TJP1: variants seen among roughly 807,000 people sequenced by gnomAD.
TJP1 encodes tight junction protein 1.
Under a neutral mutation model 194.2 loss-of-function variants are expected in TJP1, and 43 were observed. The observed-to-expected ratio is 0.22, with a 90% CI of 0.17 to 0.29. The LOEUF (loss-of-function observed/expected upper bound fraction) is 0.29, where lower values mean the gene tolerates loss of function less well. Ranked by LOEUF, TJP1 falls within the 10% of genes least tolerant of loss-of-function variation. The pLI, the probability that TJP1 is intolerant of heterozygous loss-of-function variation, is 1.00. For missense variants in TJP1, 1,971 were observed against 2,185.7 expected, an observed-to-expected ratio of 0.90 and a Z score of 1.96; for synonymous variants, 801 against 779.0, an observed-to-expected ratio of 1.03 and a Z score of -0.47.
At chr15:29,781,317 G>GA (rs757667950) in intron 2 of TJP1, among the ~76,000 whole-genome samples, 9 of 152,092 alleles carry the variant, frequency 5.9e-5, no homozygotes, top group Non-Finnish European at 1.2e-4. Context: ...CGCCGAAAGT[G>GA]AATCAGTAGT....
intron 2 of TJP1, among the ~76,000 whole-genome samples, chr15:29,899,334 TTC>T (rs1367595505): frequency 1.7e-4 from 26 of 152,354 alleles, no homozygotes; most frequent in Non-Finnish European, 2.9e-4. Context: ...AATTATTCCT[TTC>T]CTATTGCAAT....
Position 29,742,779 on chromosome 15 carries a change from A to G in TJP1, c.1013T>C (p.Leu338Pro). The G allele has an allele frequency of 5.1e-6, 8 of 1,579,534 alleles. No homozygotes were observed. The highest frequency in any genetic ancestry group is 6.8e-6 in the Non-Finnish European group (8 of 1,168,004). Residue 338 changes from leucine (L) to proline (P), a missense_variant and splice_region_variant, in exon 9 of 28, where the codon CTC becomes CCC. Physicochemically the swap from Leu to Pro is moderately conservative, Grantham distance 98. Coordinates refer to ENST00000614355, the MANE Select transcript of TJP1 (RefSeq NM_001330239.4). ...HSPQQPSNGS[L>P]RSRDEERISK... is the part of the protein sequence containing the mutation. ...AATTCTCTCTTCATCTCTACTCCGG[A>G]GACTGTGTGTCATTAAAATAAAAAA... is the stretch of plus-strand genomic sequence containing the variant.
chr15:29,949,342 C>T, intron 2 of TJP1, among the ~76,000 whole-genome samples: 1 of 136,982 alleles, frequency 7.3e-6, no homozygotes, highest in African/African-American at 2.6e-5. Context: ...CCACCACCTC[C>T]ACCACCACCA....
chr15:29,869,090 T>A (rs1025618875), intron 2 of TJP1, among the ~76,000 whole-genome samples: 2 of 152,192 alleles, frequency 1.3e-5, no homozygotes, highest in African/African-American at 2.4e-5. Flanking sequence ...TAGGTAACCA[T>A]CTGAGAAAAA....
chr15:29,732,235 G>A (rs560766467), intron 15 of TJP1, 198 bp downstream of exon 15: 3 of 576,032 alleles, frequency 5.2e-6, no homozygotes, highest in East Asian at 2.9e-5. Flanking sequence ...TTTCCTAAAC[G>A]GTGACTTTTC....
rs530303995 is a variant in TJP1 at position 29,749,297 on chromosome 15, A to G, written c.1011-6516T>C. On this transcript the variant is annotated intron_variant, in intron 8 of 27. Transcript: ENST00000614355. ...CTCTGAGAGAGATTTTATAGGTCAC[A>G]TGAACGGACTCACTGTTAAGCAGAG... 1.2e-4 allele frequency among the ~76,000 whole-genome samples: 18 copies of G among 152,344 alleles called. No individual in the cohort carries two copies. The South Asian group carries it at 3.3e-3, about 28-fold the overall frequency.
chr15:29,835,151 T>C (rs889469146), intron 2 of TJP1, among the ~76,000 whole-genome samples: 40 of 152,156 alleles, frequency 2.6e-4, no homozygotes, highest in African/African-American at 9.4e-4. Context: ...GAAGATCTTT[T>C]TCATCCCTGA....
chr15:29,816,217 G>A (rs78923945), intron 1 of TJP1, among the ~76,000 whole-genome samples: 4 of 151,944 alleles, frequency 2.6e-5, no homozygotes, highest in Non-Finnish European at 5.9e-5. Context: ...TAGTAGAGAC[G>A]GGGTTTCGGC....
intron 2 of TJP1, among the ~76,000 whole-genome samples, chr15:29,952,258 G>A (rs2055776732): frequency 6.6e-6 from 1 of 152,224 alleles, no homozygotes; most frequent in African/African-American, 2.4e-5. Flanking sequence ...GAATTGTTGA[G>A]TCCAGGCTAT....
At chr15:29,862,939 T>C (rs1042410572) in intron 2 of TJP1, among the ~76,000 whole-genome samples, 6 of 148,214 alleles carry the variant, frequency 4.0e-5, no homozygotes, top group Admixed American at 1.3e-4. Flanking sequence ...TGAGCCACCG[T>C]GCCCAGCTGG....
chr15:29,888,248 C>A (rs933235834), intron 2 of TJP1, among the ~76,000 whole-genome samples: 2 of 151,664 alleles, frequency 1.3e-5, no homozygotes, highest in Non-Finnish European at 2.9e-5. Flanking sequence ...ACTATTATAT[C>A]CATTTTATAT....
Position 29,950,253 on chromosome 15 carries a change from C to T in TJP1, c.306+5979G>A, listed in dbSNP as rs115529224. ...TCCACCACCACCACCTCCTTCACTA[C>T]CACCTCTATGACCACCACCTCCACT... On this transcript the variant is annotated intron_variant, in intron 2 of 28. Coordinates refer to the TJP1 transcript ENST00000356107. Among the ~76,000 whole-genome samples the T allele has an allele frequency of 6.9e-3, 1,022 of 147,358 alleles. 10 individuals carry two copies. The highest frequency in any genetic ancestry group is 0.026 in the African/African-American group (969 of 37,996).
intron 2 of TJP1, among the ~76,000 whole-genome samples, chr15:29,853,601 G>A (rs921356327): frequency 1.3e-5 from 2 of 152,086 alleles, no homozygotes; most frequent in Non-Finnish European, 2.9e-5. Flanking sequence ...ACACTTTTAG[G>A]TGGCTGTATT....
intron 1 of TJP1, among the ~76,000 whole-genome samples, chr15:29,965,499 A>C (rs2056303223): frequency 6.6e-6 from 1 of 152,152 alleles, no homozygotes; most frequent in South Asian, 2.1e-4. Flanking sequence ...GGTATGAGCC[A>C]CCACGTCAGG....
intron 1 of TJP1, among the ~76,000 whole-genome samples, chr15:29,818,205 G>C (rs1289454145): frequency 6.6e-6 from 1 of 152,068 alleles, no homozygotes; most frequent in Non-Finnish European, 1.5e-5. Flanking sequence ...AATCTAATAA[G>C]CATATACAAT....
At chr15:29,818,903 C>T (rs772986988) in intron 1 of TJP1, among the ~76,000 whole-genome samples, 4 of 151,842 alleles carry the variant, frequency 2.6e-5, no homozygotes, top group Admixed American at 6.6e-5. Context: ...ATGCAACCTC[C>T]GCCTTCCAGG....
At chr15:29,762,461 T>A in intron 5 of TJP1, 23 bp from the exon 6 acceptor site, 1 of 1,583,420 alleles carries the variant, frequency 6.3e-7, no homozygotes, top group Non-Finnish European at 8.7e-7. Context: ...AAGTAAGTGT[T>A]TTTAGTATAA....
Position 29,733,079 on chromosome 15 carries a change from T to A in TJP1, c.1736+15A>T, listed in dbSNP as rs2043776519. ...TACTTGATTCACTCTATGAGAAGTA[T>A]CCAAGCATTCATACCTGTTCTTATT... On this transcript the variant is annotated intron_variant, in intron 13 of 27. Coordinates refer to ENST00000614355, the MANE Select transcript of TJP1 (RefSeq NM_001330239.4). The A allele has an allele frequency of 3.1e-6, 5 of 1,608,690 alleles. No individual in the cohort carries two copies. Among genetic ancestry groups the A allele is most frequent in the Non-Finnish European group, 4.3e-6 (5 of 1,175,328 alleles).
At chr15:29,865,129 C>G (rs1023007744) in intron 2 of TJP1, among the ~76,000 whole-genome samples, 1 of 152,162 alleles carries the variant, frequency 6.6e-6, no homozygotes, top group Non-Finnish European at 1.5e-5. Context: ...CAATCCGTAA[C>G]AGGACCAGGA....
Sources: gnomAD v4.1 joint callset for allele counts (sites outside exome capture counted in the v4.1 genomes callset) on GRCh38, gnomAD v4.1.1 for gene constraint, MANE v1.5 for transcripts, NCBI Gene and HGNC (gene_info 2026-07-23, HGNC 2026-07-21) for gene names.